Variants in TENM1 observed in about 807,000 individuals in gnomAD.
TENM1 encodes the protein teneurin transmembrane protein 1, also known as teneurin-1.
TENM1 carries 35 observed loss-of-function variants against 174.8 expected under a neutral mutation model. The observed-to-expected ratio is 0.20, with a 90% CI of 0.15 to 0.27. TENM1 has a LOEUF of 0.27. Ranked by LOEUF, TENM1 falls within the 10% of genes least tolerant of loss-of-function variation. TENM1 has a pLI of 1.00. For synonymous variants in TENM1, 781 were observed against 798.7 expected (o/e 0.98, Z 0.37); for missense variants, 1,633 against 2,130.1 (o/e 0.77, Z 4.59).
chrX:124,882,494 A>C (rs2057319026), intron 3 of TENM1, among the ~76,000 whole-genome samples: 1 of 111,728 alleles, frequency 9.0e-6, no homozygotes, highest in Non-Finnish European at 1.9e-5. Context: ...ATCAACTATT[A>C]ATCTATGTAG....
At chrX:124,610,320 C>T (rs1179476845) in intron 11 of TENM1, among the ~76,000 whole-genome samples, 1 of 112,121 alleles carries the variant, frequency 8.9e-6, no homozygotes, top group Non-Finnish European at 1.9e-5. Flanking sequence ...CGTATTTATA[C>T]AGCTTAGACA....
intron 3 of TENM1, among the ~76,000 whole-genome samples, chrX:124,790,815 T>C (rs1282270771): frequency 9.0e-6 from 1 of 111,402 alleles, no homozygotes; most frequent in African/African-American, 3.3e-5. Context: ...ATTATTTATA[T>C]AATACTGATT....
intron 20 of TENM1, among the ~76,000 whole-genome samples, chrX:124,491,728 A>G (rs1258593304): frequency 8.9e-6 from 1 of 112,220 alleles, no homozygotes; most frequent in Non-Finnish European, 1.9e-5. Context: ...TTGGCAACCA[A>G]TGAAAATGAA....
chrX:124,757,226 A>G (rs1307479472), intron 3 of TENM1, among the ~76,000 whole-genome samples: 23 of 111,633 alleles, frequency 2.1e-4, no homozygotes, highest in Non-Finnish European at 3.6e-4. Flanking sequence ...CCTCGCTGCC[A>G]CCTTGCAGTT....
the TENM1 span, among the ~76,000 whole-genome samples, chrX:124,996,724 A>G: frequency 1.8e-5 from 2 of 111,114 alleles, no homozygotes; most frequent in African/African-American, 6.5e-5. Flanking sequence ...ACAGCAGGCT[A>G]ATCAACCTCT....
the TENM1 span, among the ~76,000 whole-genome samples, chrX:125,126,508 T>C: frequency 9.0e-6 from 1 of 111,202 alleles, no homozygotes; most frequent in Non-Finnish European, 1.9e-5. Context: ...CAACAACTTA[T>C]CTGCAATGTG....
chrX:124,636,211 C>G (rs1303550611), intron 11 of TENM1, among the ~76,000 whole-genome samples: 1 of 111,628 alleles, frequency 9.0e-6, no homozygotes, highest in Non-Finnish European at 1.9e-5. Flanking sequence ...AAATTGCTTC[C>G]TGTACTGAGC....
intron 18 of TENM1, among the ~76,000 whole-genome samples, chrX:124,514,071 T>C (rs2047643109): frequency 9.0e-6 from 1 of 111,426 alleles, no homozygotes; most frequent in African/African-American, 3.3e-5. Flanking sequence ...AATTAGATAT[T>C]GGTGGTAGTT....
chrX:125,142,301 T>C, the TENM1 span, among the ~76,000 whole-genome samples: 5 of 111,705 alleles, frequency 4.5e-5, no homozygotes, highest in African/African-American at 1.6e-4. Flanking sequence ...AATTTTGAAA[T>C]GCAGTTTTTA....
the TENM1 span, among the ~76,000 whole-genome samples, chrX:124,982,527 T>C: frequency 1.8e-5 from 2 of 111,578 alleles, no homozygotes; most frequent in Non-Finnish European, 3.8e-5. Context: ...AAGACATCTC[T>C]GTAGATTTTT....
intron 5 of TENM1, among the ~76,000 whole-genome samples, chrX:124,677,051 T>C (rs769039039): frequency 9.0e-6 from 1 of 110,854 alleles, no homozygotes; most frequent in Admixed American, 9.7e-5. Context: ...AAGATCACAT[T>C]AATATTTTTA....
the TENM1 span, among the ~76,000 whole-genome samples, chrX:124,969,701 G>C: frequency 9.0e-6 from 1 of 111,630 alleles, no homozygotes; most frequent in Non-Finnish European, 1.9e-5. Flanking sequence ...GTAAACGGCA[G>C]GACTGAGATT....
At chrX:124,879,265 T>C (rs2057263105) in intron 3 of TENM1, among the ~76,000 whole-genome samples, 1 of 112,076 alleles carries the variant, frequency 8.9e-6, no homozygotes. Flanking sequence ...AATAAACCTT[T>C]CTTGATCTTT....
At chrX:125,058,164 C>T in the TENM1 span, among the ~76,000 whole-genome samples, 479 of 110,890 alleles carry the variant, frequency 4.3e-3, 5 homozygotes, top group African/African-American at 0.015. Context: ...ATAAAAAGAC[C>T]GATAACACAA....
At chrX:124,971,053 G>A in the TENM1 span, among the ~76,000 whole-genome samples, 3 of 100,857 alleles carry the variant, frequency 3.0e-5, no homozygotes, top group Non-Finnish European at 4.0e-5. Flanking sequence ...ACCAAACACC[G>A]CATGTTCTCA....
chrX:125,020,489 G>C, the TENM1 span, among the ~76,000 whole-genome samples: 1 of 108,708 alleles, frequency 9.2e-6, no homozygotes, highest in Non-Finnish European at 1.9e-5. Flanking sequence ...TTTTTTCCTG[G>C]ATGTTTTTTT....
chrX:124,665,289 G>A (rs1341508770), intron 6 of TENM1, among the ~76,000 whole-genome samples: 1 of 111,604 alleles, frequency 9.0e-6, no homozygotes, highest in African/African-American at 3.3e-5. Flanking sequence ...GCGGTGAGCC[G>A]AGATTGCGCC....
chrX:124,992,715 C>G, the TENM1 span, among the ~76,000 whole-genome samples: 1 of 111,054 alleles, frequency 9.0e-6, no homozygotes, highest in Admixed American at 9.6e-5. Flanking sequence ...AGAATCTGGA[C>G]AGACAGACCA....
chrX:124,996,149 GA>G, the TENM1 span, among the ~76,000 whole-genome samples: 2 of 111,296 alleles, frequency 1.8e-5, no homozygotes, highest in African/African-American at 6.5e-5. Context: ...ATATTCTTTA[GA>G]AAATCCAAGT....
Sources: allele counts gnomAD v4.1 joint callset (sites outside exome capture counted in the v4.1 genomes callset), GRCh38; gene constraint gnomAD v4.1.1; transcripts MANE v1.5; gene names NCBI Gene and HGNC (gene_info 2026-07-23, HGNC 2026-07-21).